Variants in SPAG16 observed in about 807,000 individuals in gnomAD.
SPAG16 encodes sperm associated antigen 16, also known as sperm-associated antigen 16 protein.
A neutral mutation model predicts 80.4 loss-of-function variants in SPAG16; 86 were observed. That is an observed-to-expected ratio of 1.07 (90% CI 0.90 to 1.28). The LOEUF (loss-of-function observed/expected upper bound fraction) is 1.28, where lower values mean the gene tolerates loss of function less well. Among genes scored for constraint, SPAG16 ranks in the 50% most tolerant of loss-of-function variants. The pLI is 0.00. For missense variants in SPAG16, 870 were observed against 765.3 expected, an observed-to-expected ratio of 1.14 and a Z score of -1.61; for synonymous variants, 294 against 265.9, an observed-to-expected ratio of 1.11 and a Z score of -1.03.
intron 13 of SPAG16, among the ~76,000 whole-genome samples, chr2:214,052,870 T>A (rs1202861620): frequency 6.6e-6 from 1 of 152,188 alleles, no homozygotes; most frequent in Non-Finnish European, 1.5e-5. Context: ...CTATAAAACA[T>A]CCTTTATTTC....
chr2:214,017,419 A>G (rs1423243703), intron 13 of SPAG16, among the ~76,000 whole-genome samples: 1 of 152,202 alleles, frequency 6.6e-6, no homozygotes, highest in Admixed American at 6.5e-5. Flanking sequence ...GCAGTGACCT[A>G]AATTCTATTG....
chr2:214,108,160 A>C, intron 13 of SPAG16, 36 bp from the exon 14 acceptor site: 4 of 1,505,436 alleles, frequency 2.7e-6, no homozygotes, highest in Non-Finnish European at 3.6e-6. Context: ...TTCCAAAAGA[A>C]ATTTATTTGA....
At chr2:213,619,875 A>T (rs2061712237) in intron 10 of SPAG16, among the ~76,000 whole-genome samples, 1 of 152,194 alleles carries the variant, frequency 6.6e-6, no homozygotes, top group Non-Finnish European at 1.5e-5. Flanking sequence ...TGTTTATTGC[A>T]GCACTATTCA....
intron 15 of SPAG16, among the ~76,000 whole-genome samples, chr2:214,254,624 A>G (rs1394624198): frequency 1.3e-5 from 2 of 152,024 alleles, no homozygotes; most frequent in African/African-American, 4.8e-5. Flanking sequence ...TTCTTTGAGA[A>G]TGAAGACAGT....
chr2:213,670,671 T>G (rs942052567), intron 10 of SPAG16, among the ~76,000 whole-genome samples: 2 of 138,838 alleles, frequency 1.4e-5, no homozygotes, highest in Non-Finnish European at 2.9e-5. Context: ...TTTCCAGAGC[T>G]CTGTCTAACT....
chr2:213,724,066 AGG>A (rs2066644384), intron 10 of SPAG16, among the ~76,000 whole-genome samples: 1 of 152,234 alleles, frequency 6.6e-6, no homozygotes, highest in East Asian at 1.9e-4. Context: ...AGACTGGAAT[AGG>A]GAAGTGTAGG....
chr2:213,648,153 A>G (rs1212936461), intron 10 of SPAG16, among the ~76,000 whole-genome samples: 1 of 152,102 alleles, frequency 6.6e-6, no homozygotes, highest in African/African-American at 2.4e-5. Context: ...CATTTTTTAT[A>G]TTTTACTTTG....
At chr2:214,351,254 G>C (rs1281800783) in intron 15 of SPAG16, among the ~76,000 whole-genome samples, 1 of 152,138 alleles carries the variant, frequency 6.6e-6, no homozygotes, top group Non-Finnish European at 1.5e-5. Context: ...ATGTGTATCT[G>C]TGTGTGTGTA....
At chr2:213,902,103 T>C (rs897583726) in intron 11 of SPAG16, among the ~76,000 whole-genome samples, 1 of 152,170 alleles carries the variant, frequency 6.6e-6, no homozygotes, top group African/African-American at 2.4e-5. Flanking sequence ...GAGGATAAGA[T>C]TGAAGCTTTC....
chr2:213,677,115 G>A (rs566016259), intron 10 of SPAG16, among the ~76,000 whole-genome samples: 1 of 151,986 alleles, frequency 6.6e-6, no homozygotes, highest in Non-Finnish European at 1.5e-5. Context: ...TCTTGGGAGA[G>A]TGTATGTGTC....
At chr2:214,074,922 TTAA>T (rs1474593328) in intron 13 of SPAG16, among the ~76,000 whole-genome samples, 5 of 152,112 alleles carry the variant, frequency 3.3e-5, no homozygotes, top group African/African-American at 1.2e-4. Flanking sequence ...GAAAAGAATA[TTAA>T]TAATAGCATT....
chr2:213,515,545 T>C (rs1278298965), intron 10 of SPAG16, among the ~76,000 whole-genome samples: 1 of 152,222 alleles, frequency 6.6e-6, no homozygotes, highest in Non-Finnish European at 1.5e-5. Flanking sequence ...TATCTGCTTT[T>C]TAAAATGATG....
At chr2:213,320,433 T>C (rs1036405560) in intron 5 of SPAG16, among the ~76,000 whole-genome samples, 12 of 152,020 alleles carry the variant, frequency 7.9e-5, no homozygotes, top group African/African-American at 2.7e-4. Context: ...AATCTAACTA[T>C]TTTGAAATAG....
chr2:213,423,437 A>G (rs1559118201), intron 9 of SPAG16, among the ~76,000 whole-genome samples: 1 of 152,290 alleles, frequency 6.6e-6, no homozygotes, highest in East Asian at 1.9e-4. Flanking sequence ...GACCCTGGAG[A>G]GAGGGATGGT....
intron 15 of SPAG16, among the ~76,000 whole-genome samples, chr2:214,275,543 A>C (rs1312016227): frequency 6.6e-6 from 1 of 152,032 alleles, no homozygotes; most frequent in Non-Finnish European, 1.5e-5. Flanking sequence ...CCTTCATTTC[A>C]TTATTTATCC....
At chr2:214,377,384 T>C (rs146572197) in intron 15 of SPAG16, among the ~76,000 whole-genome samples, 53 of 152,278 alleles carry the variant, frequency 3.5e-4, no homozygotes, top group Non-Finnish European at 6.8e-4. Context: ...ATATGTACCA[T>C]AGATGGAGGC....
intron 15 of SPAG16, among the ~76,000 whole-genome samples, chr2:214,296,466 C>A (rs1292480821): frequency 6.6e-6 from 1 of 152,128 alleles, no homozygotes; most frequent in African/African-American, 2.4e-5. Flanking sequence ...GACACATCTT[C>A]CTACTGTTTT....
At chr2:214,152,584 G>A (rs960447403) in intron 15 of SPAG16, among the ~76,000 whole-genome samples, 3 of 152,162 alleles carry the variant, frequency 2.0e-5, no homozygotes, top group Non-Finnish European at 4.4e-5. Context: ...GGCGACGAGA[G>A]AGTGTAGAAA....
At chr2:213,492,919 T>G (rs1288118990) in intron 10 of SPAG16, among the ~76,000 whole-genome samples, 1 of 152,178 alleles carries the variant, frequency 6.6e-6, no homozygotes, top group Non-Finnish European at 1.5e-5. Context: ...TGTCTGACCT[T>G]TGTATTTCTA....
Sources: gnomAD v4.1 joint callset for allele counts (sites outside exome capture counted in the v4.1 genomes callset) on GRCh38, gnomAD v4.1.1 for gene constraint, MANE v1.5 for transcripts, NCBI Gene and HGNC (gene_info 2026-07-23, HGNC 2026-07-21) for gene names.